MED12L: variants seen among roughly 807,000 people sequenced by gnomAD.
MED12L encodes the protein mediator complex subunit 12L.
MED12L carries 60 observed loss-of-function variants against 281.3 expected under a neutral mutation model. The ratio of observed to expected loss-of-function variants is 0.21; its 90% confidence interval spans 0.17 to 0.26. MED12L has a LOEUF of 0.26. MED12L is among the 10% of genes least tolerant of loss of function. MED12L has a pLI of 1.00. For missense variants in MED12L, 2,146 were observed against 2,680.9 expected (o/e 0.80, Z 4.41); for synonymous variants, 974 against 987.2 (o/e 0.99, Z 0.25).
intron 2 of MED12L, among the ~76,000 whole-genome samples, chr3:151,110,761 T>A (rs937470593): frequency 6.7e-6 from 1 of 149,962 alleles, no homozygotes; most frequent in Non-Finnish European, 1.5e-5. Flanking sequence ...TATGTATGTT[T>A]GTGTGTGTGT....
At chr3:151,321,966 C>T (rs1463580056) in intron 16 of MED12L, among the ~76,000 whole-genome samples, 2 of 152,050 alleles carry the variant, frequency 1.3e-5, no homozygotes, top group Non-Finnish European at 2.9e-5. Flanking sequence ...AGCAGAAACC[C>T]GGGTTACATG....
intron 2 of MED12L, among the ~76,000 whole-genome samples, chr3:151,104,102 A>G (rs1721719173): frequency 6.6e-6 from 1 of 152,120 alleles, no homozygotes; most frequent in African/African-American, 2.4e-5. Flanking sequence ...GTTGGTCCCC[A>G]CAGTTCGTGA....
chr3:151,198,932 A>G (rs1439027170), intron 16 of MED12L: 1 of 1,613,878 alleles, frequency 6.2e-7, no homozygotes, highest in Non-Finnish European at 8.5e-7. Context: ...TTTGATGGGA[A>G]TCATCATATT....
chr3:151,109,780 A>G (rs767009491), intron 2 of MED12L, among the ~76,000 whole-genome samples: 1 of 152,200 alleles, frequency 6.6e-6, no homozygotes, highest in Non-Finnish European at 1.5e-5. Context: ...AACAGTTATT[A>G]AAAGTGCTTT....
At chr3:151,108,161 T>C (rs1478651286) in intron 2 of MED12L, among the ~76,000 whole-genome samples, 1 of 148,296 alleles carries the variant, frequency 6.7e-6, no homozygotes, top group Non-Finnish European at 1.5e-5. Context: ...CCAGTAGGCA[T>C]GCTGGACAGG....
intron 37 of MED12L, 37 bp downstream of exon 37, chr3:151,388,209 G>C (rs1217427155): frequency 3.2e-6 from 5 of 1,550,894 alleles, no homozygotes; most frequent in Non-Finnish European, 4.3e-6. Context: ...TGGCTCATTA[G>C]CATTTAGTAT....
intron 16 of MED12L, among the ~76,000 whole-genome samples, chr3:151,287,307 T>C (rs1321104192): frequency 3.3e-5 from 5 of 152,128 alleles, no homozygotes; most frequent in Non-Finnish European, 7.3e-5. Flanking sequence ...ACCTCCAAAA[T>C]CCTTTCTTAT....
chr3:151,269,664 G>T (rs1740511418), intron 16 of MED12L: 6 of 406,630 alleles, frequency 1.5e-5, no homozygotes, highest in African/African-American at 1.1e-4. Flanking sequence ...ACAGAATTTG[G>T]AGGTATTAAA....
At position 151,369,459 on chromosome 3, in the gene MED12L, T is replaced by C; in HGVS notation, c.3574T>C (p.Ser1192Pro). The change falls in exon 26 of 45, where the codon TCA (serine) becomes CCA (proline). Residue 1192 changes from serine (S) to proline (P), a missense_variant. Transcript: ENST00000687756. The stretch of plus-strand genomic sequence containing the variant: ...AGGCAAACCTTTCCCTGGAATAAGA[T>C]CATCTTGTGATAGACACCTCTTAGC... ...ATGKPFPGIR[S>P]SCDRHLLAAA... is the part of the protein sequence containing the mutation. The C allele has an allele frequency of 6.2e-7, 1 of 1,608,142 alleles. No homozygotes were observed. The highest frequency in any genetic ancestry group is 8.5e-7 in the Non-Finnish European group (1 of 1,176,766).
chr3:151,293,638 TACACACACACACACACACAC>T (rs199892582), intron 16 of MED12L, among the ~76,000 whole-genome samples: 2 of 99,670 alleles, frequency 2.0e-5, no homozygotes, highest in East Asian at 2.9e-4. Flanking sequence ...ATGAAGCCCT[TACACACACACACACACACAC>T]ACACACACAC....
At chr3:151,287,749 A>G in intron 16 of MED12L, among the ~76,000 whole-genome samples, 1 of 152,222 alleles carries the variant, frequency 6.6e-6, no homozygotes, top group Middle Eastern at 3.2e-3. Context: ...ACTGATGAGC[A>G]CTGTGTAAGA....
chr3:151,385,290 C>A, intron 36 of MED12L, 99 bp downstream of exon 36: 1 of 687,642 alleles, frequency 1.5e-6, no homozygotes, highest in Non-Finnish European at 2.3e-6. Flanking sequence ...ATTAATTTTG[C>A]TGTTGATGTT....
At chr3:151,391,527 GGAA>G (rs1223116803) in intron 38 of MED12L, among the ~76,000 whole-genome samples, 4 of 152,044 alleles carry the variant, frequency 2.6e-5, no homozygotes, top group African/African-American at 9.7e-5. Flanking sequence ...GGGCCACATT[GGAA>G]GAAGAATTGT....
At chr3:151,252,895 A>C (rs181328711) in intron 16 of MED12L, among the ~76,000 whole-genome samples, 97 of 152,306 alleles carry the variant, frequency 6.4e-4, no homozygotes, top group Middle Eastern at 3.4e-3. Flanking sequence ...TTATTGATTT[A>C]AAGCAATGAC....
intron 39 of MED12L, 132 bp downstream of exon 39, chr3:151,394,999 C>T: frequency 8.6e-7 from 1 of 1,161,430 alleles, no homozygotes; most frequent in Non-Finnish European, 1.2e-6. Flanking sequence ...AGGTCTATCT[C>T]TCTGTTACAG....
chr3:151,353,131 TA>T (rs1753445833), intron 17 of MED12L, among the ~76,000 whole-genome samples: 1 of 152,142 alleles, frequency 6.6e-6, no homozygotes, highest in African/African-American at 2.4e-5. Context: ...CACAAACAAA[TA>T]AAAAGGTGCA....
intron 20 of MED12L, among the ~76,000 whole-genome samples, chr3:151,358,511 T>A (rs1158707932): frequency 6.6e-6 from 1 of 152,148 alleles, no homozygotes; most frequent in Non-Finnish European, 1.5e-5. Flanking sequence ...TAAAATAGTA[T>A]ATTGAAACCC....
rs753746390 is a variant in MED12L at position 151,368,170 on chromosome 3, G to A, written c.3469G>A (p.Glu1157Lys). ...CCTAGCTTGTGGGGATGCGGACGCC[G>A]AGCCTGGGGCGAGAATGACATGCCG... Reference protein sequence around the residue: ...LAAACGDADAEPGARMTCRLL... With the variant: ...LAAACGDADAKPGARMTCRLL... The change falls in exon 25 of 45, where the codon GAG becomes AAG. Residue 1157 changes from glutamate (E) to lysine (K), a missense_variant. Transcript: ENST00000687756. 6.2e-7 allele frequency: 1 copy of A among 1,613,942 alleles called. No individual in the cohort carries two copies.
At position 151,411,365 on chromosome 3, in the gene MED12L, C is replaced by G; in HGVS notation, c.5998C>G (p.Pro2000Ala). 1.9e-6 allele frequency: 3 copies of G among 1,614,188 alleles called. No homozygotes were observed. The highest frequency in any genetic ancestry group is 1.7e-6 in the Non-Finnish European group (2 of 1,180,034). ...QQQAGSVVLSPSYNSRAYPAA... is the reference protein window; with the variant it reads ...QQQAGSVVLSASYNSRAYPAA... ...GCAGGCTGGCAGTGTGGTCCTGTCT[C>G]CCAGCTATAACTCCAGAGCCTATCC... Residue 2000 changes from proline (P) to alanine (A), a missense_variant, in exon 41 of 45, where the codon CCC becomes GCC. Pro to Ala is a conservative substitution (Grantham distance 27, BLOSUM62 -1). Around this residue, in one of 9 missense-constraint regions of MED12L, gnomAD observed 496 missense variants for 512.0 expected, o/e 0.97. Coordinates refer to ENST00000687756, the MANE Select transcript of MED12L (RefSeq NM_001393769.1).
Sources: allele counts gnomAD v4.1 joint callset (sites outside exome capture counted in the v4.1 genomes callset), GRCh38; gene constraint gnomAD v4.1.1; regional missense constraint gnomAD v4.1.1; transcripts MANE v1.5; gene names NCBI Gene and HGNC (gene_info 2026-07-23, HGNC 2026-07-21).